Variants in AMOTL2 observed in about 807,000 individuals in gnomAD.
The protein encoded by AMOTL2 is angiomotin like 2.
AMOTL2 carries 33 observed loss-of-function variants against 78.4 expected under a neutral mutation model. The ratio of observed to expected loss-of-function variants is 0.42; its 90% CI spans 0.32 to 0.56. AMOTL2 has a LOEUF of 0.56. AMOTL2 is among the 20% of genes least tolerant of loss of function. The probability of loss-of-function intolerance (pLI) is 0.12; values close to 1 mark genes in which losing one functional copy is unlikely to be tolerated. For missense variants in AMOTL2, 983 were observed against 1,030.1 expected (o/e 0.95, Z 0.63); for synonymous variants, 422 against 428.8 (o/e 0.98, Z 0.20).
At chr3:134,361,371 G>T in intron 6 of AMOTL2, 141 bp downstream of exon 6, 2 of 994,436 alleles carry the variant, frequency 2.0e-6, no homozygotes, top group Admixed American at 2.9e-5. Flanking sequence ...CATCCTCGCC[G>T]CCTTCCAACG....
intron 7 of AMOTL2, 76 bp from the exon 8 acceptor site, chr3:134,359,579 G>T (rs2017251956): frequency 4.7e-6 from 6 of 1,283,282 alleles, no homozygotes; most frequent in Non-Finnish European, 6.5e-6. Flanking sequence ...CCTCATAGGA[G>T]TTAGAGGAAA....
At chr3:134,369,986 CA>C (rs2017781052) in intron 2 of AMOTL2, among the ~76,000 whole-genome samples, 1 of 152,316 alleles carries the variant, frequency 6.6e-6, no homozygotes, top group East Asian at 1.9e-4. Context: ...CCAGAGAGAG[CA>C]TTTAGAAAAG....
intron 6 of AMOTL2, 138 bp from the exon 7 acceptor site, chr3:134,360,551 C>T (rs1256841079): frequency 1.3e-6 from 1 of 774,812 alleles, no homozygotes; most frequent in Non-Finnish European, 2.1e-6. Context: ...CATCCTTCCT[C>T]TACCGAAATG....
chr3:134,375,104 A>G, upstream of AMOTL2: 1 of 1,506,328 alleles, frequency 6.6e-7, no homozygotes, highest in Admixed American at 2.1e-5. Flanking sequence ...TTTGTTTACA[A>G]ACACCTTCGC....
At chr3:134,373,105 G>A (rs1231010398) in intron 1 of AMOTL2, among the ~76,000 whole-genome samples, 2 of 152,082 alleles carry the variant, frequency 1.3e-5, no homozygotes, top group Admixed American at 1.3e-4. Flanking sequence ...TGGGGGATGA[G>A]TCTGGAGGGC....
At chr3:134,361,149 C>G (rs575990973) in intron 6 of AMOTL2, among the ~76,000 whole-genome samples, 6 of 151,492 alleles carry the variant, frequency 4.0e-5, no homozygotes, top group Non-Finnish European at 7.4e-5. Flanking sequence ...CCAGCCTGGG[C>G]GACAGAATGA....
upstream of AMOTL2, chr3:134,375,291 G>A (rs761924004): frequency 2.6e-6 from 4 of 1,509,888 alleles, no homozygotes; most frequent in South Asian, 3.6e-5. Flanking sequence ...CTGGCTTTTC[G>A]CCCAGTCATC....
upstream of AMOTL2, chr3:134,374,459 C>G (rs532479281): frequency 1.0e-6 from 1 of 985,414 alleles, no homozygotes; most frequent in African/African-American, 1.7e-5. Flanking sequence ...GCTGTTCGCG[C>G]CCCAGCGCGC....
At chr3:134,364,211 G>A (rs1231260111) in intron 5 of AMOTL2, among the ~76,000 whole-genome samples, 1 of 148,584 alleles carries the variant, frequency 6.7e-6, no homozygotes, top group Non-Finnish European at 1.5e-5. Context: ...AGGGAGCGGC[G>A]GGGGGCGGGC....
rs1242108158 is a variant in AMOTL2 at position 134,357,027 on chromosome 3, G to GC, written c.*677dup. 1 of 152,816 alleles carries GC rather than the reference G, an allele frequency of 6.5e-6. No individual in the cohort carries two copies. Among genetic ancestry groups the GC allele is most frequent in the African/African-American group, 2.4e-5 (1 of 41,430 alleles). The allele number at this position is 152,816 out of a possible 1,614,324, so 9.5% of individuals were successfully genotyped here. On this transcript the variant is annotated 3_prime_UTR_variant, in exon 10 of 10. Coordinates refer to ENST00000249883, the MANE Select transcript of AMOTL2 (RefSeq NM_016201.4). ...CATGGAGACACATCGGAACCTGCAG[G>GC]CCTCAGTCTTCTGTTCCACAAGAAA...
At chr3:134,366,035 G>T in intron 4 of AMOTL2, 126 bp from the exon 5 acceptor site, 2 of 1,130,874 alleles carry the variant, frequency 1.8e-6, no homozygotes, top group Non-Finnish European at 2.6e-6. Context: ...GGAAACCCCA[G>T]CTCAGCTCAG....
rs550324555 is a variant in AMOTL2, at chr3:134,360,209, G to A, written c.1780C>T (p.Arg594Cys). The change falls in exon 7 of 10, where the codon CGT (arginine) becomes TGT (cysteine). Residue 594 changes from arginine (R) to cysteine (C), a missense_variant. Transcript: ENST00000249883. The part of the protein sequence containing the change: ...MDAAATAAAQ[R>C]DTTLIRHSPQ... ...GAATGTCGGATGAGAGTGGTGTCACGCTGAGCAGCAGCCGTGGCAGCCGCA... is the reference window on the plus strand; with the variant it reads ...GAATGTCGGATGAGAGTGGTGTCACACTGAGCAGCAGCCGTGGCAGCCGCA... 3.6e-5 allele frequency: 58 copies of A among 1,614,094 alleles called. No homozygotes were observed. In the Admixed American group the frequency reaches 5.3e-4, roughly 15 times the overall value.
rs111470898 is a variant in AMOTL2, at chr3:134,363,460, C to G, written c.1280-1653G>C. On this transcript the variant is annotated intron_variant, in intron 5 of 9. Transcript: ENST00000249883. ...TAGTCCACCTGTGCGTTCAGTTTGC[C>G]CAGGGCCTGCATCTCATTTCAGCCT... Among the ~76,000 whole-genome samples the G allele has an allele frequency of 7.7e-3, 1,168 of 152,292 alleles. 16 individuals carry two copies. The highest frequency in any genetic ancestry group is 0.027 in the African/African-American group (1,123 of 41,542).
chr3:134,361,030 T>C (rs1383682547), intron 6 of AMOTL2, among the ~76,000 whole-genome samples: 1 of 152,074 alleles, frequency 6.6e-6, no homozygotes, highest in East Asian at 1.9e-4. Context: ...AAAAATTAGC[T>C]GGGCGTGGTG....
At chr3:134,360,070 C>A in intron 7 of AMOTL2, 36 bp downstream of exon 7, 1 of 1,579,902 alleles carries the variant, frequency 6.3e-7, no homozygotes, top group Non-Finnish European at 8.6e-7. Flanking sequence ...GCCACCCACC[C>A]CCCCAACCTC....
At chr3:134,368,103 T>A (rs953328996) in intron 2 of AMOTL2, among the ~76,000 whole-genome samples, 1 of 152,120 alleles carries the variant, frequency 6.6e-6, no homozygotes. Context: ...GCTGGGGCCT[T>A]GGGGATCAGC....
rs1388168359 is a variant in AMOTL2, at chr3:134,371,484, C to T, written c.-51G>A. 7 of 1,588,736 alleles carry T rather than the reference C, an allele frequency of 4.4e-6. No individual in the cohort carries two copies. The highest frequency in any genetic ancestry group is 6.0e-6 in the Non-Finnish European group (7 of 1,171,804). On this transcript the variant is annotated 5_prime_UTR_variant, in exon 2 of 10. Transcript: ENST00000249883. ...CTGGACAATGGCCGGTGGCACCTGG[C>T]CCCAGAGCACCTGGAGTGGGGTGGG...
At position 134,369,184 on chromosome 3, in the gene AMOTL2, G is replaced by A. The variant is rs539589593; in HGVS notation, c.735-1381C>T. On this transcript the variant is annotated intron_variant, in intron 2 of 9. Coordinates refer to ENST00000249883, the MANE Select transcript of AMOTL2 (RefSeq NM_016201.4). ...GTATTTCTCCTACTACCTAAGGTGG[G>A]GCTTCCAGTAAGAGCTGGGAAGAGG... Among the ~76,000 whole-genome samples, 4 of 152,234 alleles carry A rather than the reference G, an allele frequency of 2.6e-5. No individual in the cohort carries two copies. The East Asian group carries it at 5.8e-4, about 22-fold the overall frequency.
At chr3:134,367,200 G>A (rs1476252525) in intron 3 of AMOTL2, among the ~76,000 whole-genome samples, 1 of 152,160 alleles carries the variant, frequency 6.6e-6, no homozygotes, top group Non-Finnish European at 1.5e-5. Flanking sequence ...GGGGGTGTGT[G>A]CAGGGCAAGG....
Sources: allele counts gnomAD v4.1 joint callset (sites outside exome capture counted in the v4.1 genomes callset), GRCh38; gene constraint gnomAD v4.1.1; transcripts MANE v1.5; gene names NCBI Gene and HGNC (gene_info 2026-07-23, HGNC 2026-07-21).